The following PDLIM3 variants were observed in gnomAD, a reference collection of about 807,000 sequenced individuals.
PDLIM3 encodes PDZ and LIM domain 3, also known as PDZ and LIM domain protein 3.
PDLIM3 carries 36 observed loss-of-function variants against 37.3 expected under a neutral mutation model. That is an observed-to-expected ratio of 0.97 (90% confidence interval 0.74 to 1.28). The LOEUF is 1.28. PDLIM3 is among the 50% of genes most tolerant of loss of function. PDLIM3 has a pLI of 0.00. For missense variants in PDLIM3, 454 were observed against 485.0 expected, an observed-to-expected ratio of 0.94 and a Z score of 0.60; for synonymous variants, 174 against 182.4, an observed-to-expected ratio of 0.95 and a Z score of 0.37.
chr4:185,523,414 G>C lies in PDLIM3; in HGVS notation c.278C>G (p.Ser93Cys), dbSNP rs373657946. The C allele has an allele frequency of 3.7e-6, 6 of 1,611,414 alleles. No individual in the cohort carries two copies. The highest frequency in any genetic ancestry group is 4.2e-6 in the Non-Finnish European group (5 of 1,177,728). Residue 93 changes from serine (S) to cysteine (C), a missense_variant, in exon 3 of 8, where the codon TCT (serine) becomes TGT (cysteine). Coordinates refer to ENST00000284767, the MANE Select transcript of PDLIM3 (RefSeq NM_014476.6). ...GAAAGGATGGGCTTTCCCATCTTCA[G>C]ATACTTGTGGAGACCATAAGTGAGT... ...GETHLWSPQVSEDGKAHPFKI... is the reference protein window; with the variant it reads ...GETHLWSPQVCEDGKAHPFKI...
At chr4:185,513,113 C>CT (rs1313037120) in intron 4 of PDLIM3, 2 of 983,674 alleles carry the variant, frequency 2.0e-6, no homozygotes, top group African/African-American at 3.5e-5. Context: ...TTTCTAGGTG[C>CT]TGGGGGTATA....
chr4:185,514,388 G>A lies in PDLIM3; in HGVS notation c.331-51C>T. The A allele has an allele frequency of 6.2e-7, 1 of 1,614,098 alleles. No homozygotes were observed. The highest frequency in any genetic ancestry group is 8.5e-7 in the Non-Finnish European group (1 of 1,180,010). On this transcript the variant is annotated intron_variant, in intron 3 of 7. Coordinates refer to ENST00000284767, the MANE Select transcript of PDLIM3 (RefSeq NM_014476.6). The surrounding 1 kb of genome is among the most constrained non-coding windows in gnomAD (Gnocchi z 4.0). ...CCCTCAGTGGAAGGCGGACACTGTTGCAGATAAGATTAAACGAACGATAGT... is the reference window on the plus strand; with the variant it reads ...CCCTCAGTGGAAGGCGGACACTGTTACAGATAAGATTAAACGAACGATAGT...
chr4:185,535,108 A>C (rs992534121), intron 1 of PDLIM3, among the ~76,000 whole-genome samples: 3 of 152,218 alleles, frequency 2.0e-5, no homozygotes, highest in Non-Finnish European at 4.4e-5. Context: ...GCGGACCCAG[A>C]GGATGGGACA....
chr4:185,524,872 G>A (rs919429981), intron 2 of PDLIM3, 148 bp downstream of exon 2: 1 of 723,266 alleles, frequency 1.4e-6, no homozygotes, highest in Non-Finnish European at 2.5e-6. Context: ...ACTGACTTTA[G>A]TAAAGAATTA....
chr4:185,509,703 G>T (rs907138102), intron 4 of PDLIM3, among the ~76,000 whole-genome samples: 5 of 152,216 alleles, frequency 3.3e-5, no homozygotes, highest in African/African-American at 1.2e-4. Flanking sequence ...GCTCAAGACA[G>T]AGAATGGATG....
intron 4 of PDLIM3, chr4:185,512,901 A>G: frequency 1.0e-6 from 1 of 985,456 alleles, no homozygotes; most frequent in Non-Finnish European, 1.2e-6. Context: ...ACAGAGTATG[A>G]ACGAGGGAAC....
At chr4:185,516,930 C>T (rs1387644102) in intron 3 of PDLIM3, 1 of 152,166 alleles carries the variant, frequency 6.6e-6, no homozygotes, top group Non-Finnish European at 1.5e-5. Context: ...TAACTTTTTT[C>T]CTTCATAATA....
intron 2 of PDLIM3, among the ~76,000 whole-genome samples, chr4:185,523,673 C>T (rs2095727164): frequency 6.8e-6 from 1 of 146,552 alleles, no homozygotes; most frequent in African/African-American, 2.5e-5. Context: ...GGCTGGAGTG[C>T]AGTGGCAAAA....
intron 5 of PDLIM3, among the ~76,000 whole-genome samples, chr4:185,507,356 T>C (rs1280506930): frequency 2.0e-5 from 3 of 152,192 alleles, no homozygotes; most frequent in Non-Finnish European, 4.4e-5. Flanking sequence ...AATATATTCA[T>C]AATAGACAAT....
At chr4:185,513,323 G>T (rs1343597477) in intron 4 of PDLIM3, 34 of 985,110 alleles carry the variant, frequency 3.5e-5, no homozygotes. Context: ...CTTCCTGAAA[G>T]GTCTGGACAT....
chr4:185,533,847 G>A (rs545755257), intron 1 of PDLIM3, among the ~76,000 whole-genome samples: 9 of 152,106 alleles, frequency 5.9e-5, no homozygotes, highest in Admixed American at 1.3e-4. Context: ...AAAAGTTTTC[G>A]TGACAAAATT....
chr4:185,525,357 G>C (rs987146811), intron 1 of PDLIM3, among the ~76,000 whole-genome samples, 186 bp from the exon 2 acceptor site: 2 of 152,168 alleles, frequency 1.3e-5, no homozygotes, highest in Non-Finnish European at 2.9e-5. Flanking sequence ...CCTGCTGAAT[G>C]ATTTTGTTTC....
In PDLIM3 at chr4:185,502,010, C is replaced by T; in HGVS notation, c.*284G>A. On this transcript the variant is annotated 3_prime_UTR_variant, in exon 8 of 8. Coordinates refer to ENST00000284767, the MANE Select transcript of PDLIM3 (RefSeq NM_014476.6). ...TTATGTGTTTGATGGCTGTAATATACATGTAAATTGTGGAGTATGACATAC... is the reference window on the plus strand; with the variant it reads ...TTATGTGTTTGATGGCTGTAATATATATGTAAATTGTGGAGTATGACATAC... The T allele has an allele frequency of 2.2e-6, 1 of 461,054 alleles. No homozygotes were observed. The highest frequency in any genetic ancestry group is 4.0e-6 in the Non-Finnish European group (1 of 250,148). The allele number at this position is 461,054 out of a possible 1,614,324, so 28.6% of individuals were successfully genotyped here.
At chr4:185,528,186 C>G (rs2095737580) in intron 1 of PDLIM3, among the ~76,000 whole-genome samples, 1 of 152,184 alleles carries the variant, frequency 6.6e-6, no homozygotes, top group Non-Finnish European at 1.5e-5. Context: ...ATGTAATACT[C>G]AATTCTGATT....
Position 185,504,325 on chromosome 4 carries a change from A to C in PDLIM3, c.905+150T>G. On this transcript the variant is annotated intron_variant, in intron 7 of 7. Transcript: ENST00000284767. This position sits in a 1 kb window ranked among gnomAD's most constrained non-coding sequence, Gnocchi z 4.7. The stretch of plus-strand genomic sequence containing the variant: ...GGTATATCTAAGGAGTGACAGTCAC[A>C]ATGTGCTAAATGTTGGGGACCTTAC... 1.5e-6 allele frequency: 1 copy of C among 685,276 alleles called. No individual in the cohort carries two copies. Among genetic ancestry groups the C allele is most frequent in the South Asian group, 1.6e-5 (1 of 63,802 alleles). 42.4% of individuals were successfully genotyped at this position (685,276 alleles called of 1,614,324 possible).
chr4:185,514,709 G>A lies in PDLIM3; in HGVS notation c.331-372C>T, dbSNP rs2095712155. 1.3e-6 allele frequency: 2 copies of A among 1,551,694 alleles called. No homozygotes were observed. Among genetic ancestry groups the A allele is most frequent in the Non-Finnish European group, 1.7e-6 (2 of 1,146,894 alleles). On this transcript the variant is annotated intron_variant, in intron 3 of 7. Coordinates refer to ENST00000284767, the MANE Select transcript of PDLIM3 (RefSeq NM_014476.6). The surrounding 1 kb of genome is among the most constrained non-coding windows in gnomAD (Gnocchi z 4.0). ...AACAGAGCCGGATACTTACTTTTGA[G>A]GTGAGCTAGGAATGAGACCCCGCAG...
In PDLIM3 at chr4:185,504,720, C is replaced by G; in HGVS notation, c.794-134G>C. ...CATTCCGAGAGGGGCAGGACTGATG[C>G]AATCATAAGGGACGCTGTTCTGAAA... On this transcript the variant is annotated intron_variant, in intron 6 of 7. Coordinates refer to ENST00000284767, the MANE Select transcript of PDLIM3 (RefSeq NM_014476.6). This position sits in a 1 kb window ranked among gnomAD's most constrained non-coding sequence, Gnocchi z 4.7. 1.4e-6 allele frequency: 1 copy of G among 706,730 alleles called. No individual in the cohort carries two copies. The allele number at this position is 706,730 out of a possible 1,614,324, so 43.8% of individuals were successfully genotyped here. A position where few individuals can be genotyped will look rare whatever the true frequency, so the allele number is the denominator to read the frequency against.
intron 6 of PDLIM3, among the ~76,000 whole-genome samples, chr4:185,506,310 A>G (rs1015930143): frequency 2.0e-5 from 3 of 152,084 alleles, no homozygotes; most frequent in African/African-American, 7.2e-5. Flanking sequence ...TCCTTTTGTG[A>G]CTTCACTTGG....
intron 3 of PDLIM3, among the ~76,000 whole-genome samples, chr4:185,519,772 TG>T (rs1362359699): frequency 6.6e-6 from 1 of 152,176 alleles, no homozygotes; most frequent in Non-Finnish European, 1.5e-5. Flanking sequence ...AGTGAGAAAG[TG>T]TATTTTATTC....
Sources: allele counts gnomAD v4.1 joint callset (sites outside exome capture counted in the v4.1 genomes callset), GRCh38; gene constraint gnomAD v4.1.1; non-coding constraint Gnocchi (gnomAD v3.1); transcripts MANE v1.5; gene names NCBI Gene and HGNC (gene_info 2026-07-23, HGNC 2026-07-21).